The following LRRC18 variants were observed in gnomAD, a reference collection of about 807,000 sequenced individuals.
LRRC18 encodes the protein leucine-rich repeat-containing protein 18.
LRRC18 carries 12 observed loss-of-function variants against 11.2 expected under a neutral mutation model. That is an observed-to-expected ratio of 1.07 (90% CI 0.69 to 1.74). The LOEUF is 1.74. Ranked by LOEUF, LRRC18 falls within the 40% of genes most tolerant of loss-of-function variation. LRRC18 has a pLI of 0.00. For synonymous variants in LRRC18, 155 were observed against 130.6 expected (o/e 1.19, Z -1.27); for missense variants, 374 against 330.5 (o/e 1.13, Z -1.02).
rs116463386 is a variant in LRRC18, at chr10:48,912,250, A to G, written c.764+1142T>C. ...AAAGTAGTATTTCAGCTTTGCAATG[A>G]ACTAAGTTATGGTTCTGGAAGAAAA... is the stretch of plus-strand genomic sequence containing the variant. On this transcript the variant is annotated intron_variant, in intron 1 of 1. Transcript: ENST00000374160. Among the ~76,000 whole-genome samples the G allele has an allele frequency of 2.3e-3, 358 of 152,350 alleles. 5 individuals carry two copies. Among genetic ancestry groups the G allele is most frequent in the African/African-American group, 8.2e-3 (340 of 41,586 alleles).
chr10:48,932,972 T>C, the LRRC18 span, among the ~76,000 whole-genome samples: 4 of 152,078 alleles, frequency 2.6e-5, no homozygotes, highest in Admixed American at 1.3e-4. Flanking sequence ...GGCCATGTGC[T>C]CATGGGTAGG....
upstream of LRRC18, among the ~76,000 whole-genome samples, chr10:48,916,387 T>C (rs1375935580): frequency 1.3e-5 from 2 of 152,178 alleles, no homozygotes; most frequent in Admixed American, 6.5e-5. Context: ...TGTTTGTTTG[T>C]TTGCTTGCTT....
intron 1 of LRRC18, among the ~76,000 whole-genome samples, chr10:48,912,555 G>T (rs1203340489): frequency 6.6e-6 from 1 of 152,182 alleles, no homozygotes; most frequent in African/African-American, 2.4e-5. Flanking sequence ...CATTTCAGTT[G>T]CTCTCTCCTC....
the LRRC18 span, among the ~76,000 whole-genome samples, chr10:48,938,572 G>A: frequency 2.6e-5 from 4 of 152,226 alleles, no homozygotes; most frequent in Non-Finnish European, 5.9e-5. Context: ...TAGGGTGGAG[G>A]TGCTGTTTGG....
Position 48,913,305 on chromosome 10 carries a change from A to G in LRRC18, c.764+87T>C. The G allele has an allele frequency of 1.6e-6, 2 of 1,262,794 alleles. 1 individual carries two copies. The allele number at this position is 1,262,794 out of a possible 1,614,324, so 78.2% of individuals were successfully genotyped here. ...GAAAGAGCTGCTGCAGCCACAGGGG[A>G]GCCCTTGGTTTCCTGTGGAGGTAGC... On this transcript the variant is annotated intron_variant, in intron 1 of 1. Coordinates refer to ENST00000374160, the Ensembl canonical transcript of LRRC18.
chr10:48,910,663 C>T (rs1837915830), intron 1 of LRRC18, among the ~76,000 whole-genome samples: 1 of 152,164 alleles, frequency 6.6e-6, no homozygotes, highest in Non-Finnish European at 1.5e-5. Flanking sequence ...AGCCCACTGC[C>T]TGTGTATGTC....
the LRRC18 span, among the ~76,000 whole-genome samples, chr10:48,930,029 C>T: frequency 6.6e-6 from 1 of 152,246 alleles, no homozygotes; most frequent in East Asian, 1.9e-4. Context: ...TTCTCCTCCC[C>T]CACCTACCCC....
upstream of LRRC18, among the ~76,000 whole-genome samples, chr10:48,917,146 T>C (rs1322898469): frequency 6.6e-6 from 1 of 152,212 alleles, no homozygotes; most frequent in Non-Finnish European, 1.5e-5. Flanking sequence ...TAGTAGGCTA[T>C]ACCATCTAGG....
chr10:48,915,335 C>G (rs1838416221), upstream of LRRC18, among the ~76,000 whole-genome samples: 1 of 152,056 alleles, frequency 6.6e-6, no homozygotes, highest in Non-Finnish European at 1.5e-5. Context: ...GGTCTGCAGC[C>G]AGGAAGAGGA....
chr10:48,915,760 G>A (rs1838466502), upstream of LRRC18, among the ~76,000 whole-genome samples: 1 of 152,172 alleles, frequency 6.6e-6, no homozygotes, highest in Admixed American at 6.5e-5. Flanking sequence ...ACAGCCGCCT[G>A]GGATAGATGG....
the LRRC18 span, among the ~76,000 whole-genome samples, chr10:48,932,045 C>A: frequency 1.3e-5 from 2 of 152,234 alleles, no homozygotes; most frequent in Non-Finnish European, 2.9e-5. Context: ...GAGCCCCACT[C>A]CCCTTCATTG....
At chr10:48,933,002 A>G in the LRRC18 span, among the ~76,000 whole-genome samples, 1 of 152,116 alleles carries the variant, frequency 6.6e-6, no homozygotes, top group Non-Finnish European at 1.5e-5. Flanking sequence ...AAGGCCTTCT[A>G]TAAGGATAAC....
intron 1 of LRRC18, among the ~76,000 whole-genome samples, chr10:48,911,699 G>A (rs1413589611): frequency 6.6e-6 from 1 of 152,140 alleles, no homozygotes. Context: ...AACTAGTAAG[G>A]AACTCTGCCA....
the LRRC18 span, among the ~76,000 whole-genome samples, chr10:48,926,074 C>T: frequency 6.6e-6 from 1 of 152,262 alleles, no homozygotes; most frequent in African/African-American, 2.4e-5. Context: ...TGTGCCACCT[C>T]TCTCTCTCCT....
the LRRC18 span, among the ~76,000 whole-genome samples, chr10:48,928,153 G>T: frequency 6.6e-6 from 1 of 152,200 alleles, no homozygotes. Context: ...GGGTCTCAGA[G>T]AAGCGGCTTG....
At chr10:48,914,033 G>A (rs1838265274) in exon 1 of LRRC18, 2 of 1,614,198 alleles carry the variant, frequency 1.2e-6, no homozygotes, top group East Asian at 4.5e-5. Flanking sequence ...ACTTGGGGAA[G>A]GTGGTAATTC....
At chr10:48,931,270 T>A in the LRRC18 span, among the ~76,000 whole-genome samples, 33 of 152,298 alleles carry the variant, frequency 2.2e-4, no homozygotes, top group African/African-American at 7.9e-4. Flanking sequence ...GGGCAGCAGG[T>A]GGAGAGTCTG....
Position 48,913,381 on chromosome 10 carries a change from T to C in LRRC18, c.764+11A>G. On this transcript the variant is annotated intron_variant, in intron 1 of 1. Transcript: ENST00000374160. ...CTTTCCCTTCTGCCTCAGGGTCAGG[T>C]TCCAAGTCACCTCCAGTCTTCCCAG... is the stretch of plus-strand genomic sequence containing the variant. The C allele has an allele frequency of 1.2e-6, 2 of 1,606,816 alleles. No individual in the cohort carries two copies. The highest frequency in any genetic ancestry group is 1.1e-5 in the South Asian group (1 of 90,992).
At chr10:48,929,751 C>G in the LRRC18 span, among the ~76,000 whole-genome samples, 1 of 152,158 alleles carries the variant, frequency 6.6e-6, no homozygotes, top group African/African-American at 2.4e-5. Flanking sequence ...CCTGTCTGTC[C>G]CAAGCCCAGC....
Sources: allele counts gnomAD v4.1 joint callset (sites outside exome capture counted in the v4.1 genomes callset), GRCh38; gene constraint gnomAD v4.1.1; transcripts MANE v1.5; gene names NCBI Gene and HGNC (gene_info 2026-07-23, HGNC 2026-07-21).